HECTD2: variants seen among roughly 807,000 people sequenced by gnomAD.
HECTD2 encodes HECT domain E3 ubiquitin protein ligase 2.
In HECTD2, 35 loss-of-function variants were observed where a neutral mutation model predicts 103.2. The observed-to-expected ratio is 0.34, with a 90% CI of 0.26 to 0.45. The LOEUF is 0.45. HECTD2 is among the 20% of genes least tolerant of loss of function. The pLI, the probability that HECTD2 is intolerant of heterozygous loss-of-function variation, is 1.00. For synonymous variants in HECTD2, 281 were observed against 329.9 expected, an observed-to-expected ratio of 0.85 and a Z score of 1.61; for missense variants, 596 against 937.4, an observed-to-expected ratio of 0.64 and a Z score of 4.76.
At chr10:91,462,339 A>G (rs910560216) in intron 5 of HECTD2, 155 bp downstream of exon 5, 40 of 1,100,638 alleles carry the variant, frequency 3.6e-5, no homozygotes, top group Non-Finnish European at 4.5e-5. Context: ...AAGTTAGATT[A>G]TTTTATTCTT....
intron 1 of HECTD2, among the ~76,000 whole-genome samples, chr10:91,415,018 C>G (rs1162813899): frequency 6.6e-6 from 1 of 152,148 alleles, no homozygotes; most frequent in East Asian, 1.9e-4. Context: ...GTAGCTCATG[C>G]CTGAGGCAAT....
intron 5 of HECTD2, chr10:91,462,901 G>A (rs1845404780): frequency 3.3e-6 from 1 of 304,168 alleles, no homozygotes; most frequent in Non-Finnish European, 4.8e-6. Flanking sequence ...TCTTGGTAAT[G>A]TTTTGTAGTT....
At position 91,466,804 on chromosome 10, in the gene HECTD2, A is replaced by T. The variant is rs192159135; in HGVS notation, c.600+4620A>T. Among the ~76,000 whole-genome samples the T allele has an allele frequency of 1.8e-3, 272 of 152,316 alleles. 3 individuals carry two copies. Among genetic ancestry groups the T allele is most frequent in the African/African-American group, 6.1e-3 (255 of 41,572 alleles). The stretch of plus-strand genomic sequence containing the variant: ...CTGTGGTACATTCCATATCATGGAA[A>T]TTATTCAGTGATAAGAAGAAATGAG... On this transcript the variant is annotated intron_variant, in intron 5 of 20. Coordinates refer to ENST00000298068, the MANE Select transcript of HECTD2 (RefSeq NM_182765.6).
In HECTD2 at chr10:91,492,333, G is replaced by A; in HGVS notation, c.1300-19G>A. On this transcript the variant is annotated intron_variant, in intron 12 of 20. Coordinates refer to ENST00000298068, the MANE Select transcript of HECTD2 (RefSeq NM_182765.6). Reference sequence around the variant, plus strand: ...TCACTGCTCTTTGTTCTCCTCTACTGTATAATATCTTCAAATAGCTAACCC... The same window carrying A: ...TCACTGCTCTTTGTTCTCCTCTACTATATAATATCTTCAAATAGCTAACCC... The A allele has an allele frequency of 6.2e-7, 1 of 1,606,592 alleles. No homozygotes were observed. Among genetic ancestry groups the A allele is most frequent in the Non-Finnish European group, 8.5e-7 (1 of 1,173,558 alleles).
chr10:91,460,498 G>A lies in HECTD2; in HGVS notation c.340G>A (p.Glu114Lys), dbSNP rs761015822. The change falls in exon 3 of 21, where the codon GAA becomes AAA. Residue 114 changes from glutamate (E) to lysine (K), a missense_variant. Coordinates refer to ENST00000298068, the MANE Select transcript of HECTD2 (RefSeq NM_182765.6). ...TACATCTATGGATGCATCATCATCCGAAATGAAGGCCCCAGTCCTTCCAGA... is the reference window on the plus strand; with the variant it reads ...TACATCTATGGATGCATCATCATCCAAAATGAAGGCCCCAGTCCTTCCAGA... The part of the protein sequence containing the change: ...QRTSMDASSS[E>K]MKAPVLPEPI... The A allele has an allele frequency of 3.7e-6, 6 of 1,612,538 alleles. No individual in the cohort carries two copies. Among genetic ancestry groups the A allele is most frequent in the Non-Finnish European group, 4.2e-6 (5 of 1,179,154 alleles).
intron 1 of HECTD2, among the ~76,000 whole-genome samples, chr10:91,423,141 C>T (rs889013800): frequency 2.0e-5 from 3 of 152,100 alleles, no homozygotes; most frequent in East Asian, 1.9e-4. Context: ...GTTCAACACA[C>T]GTACTGTCAC....
At chr10:91,500,848 C>G (rs1846872808) in intron 19 of HECTD2, among the ~76,000 whole-genome samples, 1 of 151,986 alleles carries the variant, frequency 6.6e-6, no homozygotes, top group Non-Finnish European at 1.5e-5. Flanking sequence ...AGAGATTTTA[C>G]TTTTAAAAAA....
At chr10:91,466,221 T>C (rs1845527418) in intron 5 of HECTD2, among the ~76,000 whole-genome samples, 1 of 152,184 alleles carries the variant, frequency 6.6e-6, no homozygotes, top group Admixed American at 6.5e-5. Context: ...GAGTTGTTCA[T>C]AATAGTCATA....
chr10:91,461,151 C>A, intron 3 of HECTD2, 103 bp from the exon 4 acceptor site: 1 of 554,532 alleles, frequency 1.8e-6, no homozygotes, highest in South Asian at 3.0e-5. Context: ...CTTTATTTGG[C>A]TTCAGTATTT....
At chr10:91,414,202 G>A (rs2132966210) in intron 1 of HECTD2, among the ~76,000 whole-genome samples, 1 of 152,302 alleles carries the variant, frequency 6.6e-6, no homozygotes, top group South Asian at 2.1e-4. Context: ...TTGGGTTCAA[G>A]AAAGAGCTAG....
At chr10:91,412,634 A>G (rs1473759846) in intron 1 of HECTD2, among the ~76,000 whole-genome samples, 1 of 150,218 alleles carries the variant, frequency 6.7e-6, no homozygotes, top group African/African-American at 2.5e-5. Flanking sequence ...ATTTTTTAAA[A>G]AAAAAAACAA....
rs1420576584 is a variant in HECTD2, at chr10:91,487,821, T to C, written c.1191+43T>C. On this transcript the variant is annotated intron_variant, in intron 11 of 20. Transcript: ENST00000298068. This position sits in a 1 kb window ranked among gnomAD's most constrained non-coding sequence, Gnocchi z 4.1. Reference sequence around the variant, plus strand: ...ACATATTTATGCTGACTATAATCAGTATAGTAAATAATTTAATAAATAATT... The same window carrying C: ...ACATATTTATGCTGACTATAATCAGCATAGTAAATAATTTAATAAATAATT... 9.9e-7 allele frequency: 1 copy of C among 1,014,264 alleles called. No individual in the cohort carries two copies. The allele number at this position is 1,014,264 out of a possible 1,614,324, so 62.8% of individuals were successfully genotyped here.
chr10:91,504,277 G>C (rs1338359902), intron 20 of HECTD2, among the ~76,000 whole-genome samples: 1 of 152,240 alleles, frequency 6.6e-6, no homozygotes, highest in East Asian at 1.9e-4. Context: ...GCTGGACGGA[G>C]AATGACTTTG....
At chr10:91,412,548 G>A (rs984531886) in intron 1 of HECTD2, among the ~76,000 whole-genome samples, 3 of 150,626 alleles carry the variant, frequency 2.0e-5, no homozygotes, top group Admixed American at 6.6e-5. Flanking sequence ...TCTGCCTCTC[G>A]TGTTCAAGCC....
At chr10:91,427,635 A>G (rs143686203) in intron 2 of HECTD2, among the ~76,000 whole-genome samples, 1,726 of 152,278 alleles carry the variant, frequency 0.011, 38 homozygotes, top group African/African-American at 0.039. Context: ...TTTTGGCAGC[A>G]TAAATGTCTT....
At chr10:91,505,043 A>C (rs1476351453) in intron 20 of HECTD2, among the ~76,000 whole-genome samples, 1 of 152,194 alleles carries the variant, frequency 6.6e-6, no homozygotes, top group African/African-American at 2.4e-5. Context: ...GTGAAGAAGA[A>C]ATAAAATACT....
upstream of HECTD2, among the ~76,000 whole-genome samples, chr10:91,409,929 G>A (rs1036621488): frequency 2.6e-5 from 4 of 152,156 alleles, no homozygotes; most frequent in Non-Finnish European, 4.4e-5. Flanking sequence ...CTGTGCCTAC[G>A]TCCTGCCCTA....
chr10:91,455,740 A>C (rs900345021), intron 2 of HECTD2, among the ~76,000 whole-genome samples: 2 of 152,080 alleles, frequency 1.3e-5, no homozygotes, highest in African/African-American at 4.8e-5. Context: ...ACCTTGAATT[A>C]ATTTTTGTAT....
At chr10:91,470,504 A>T (rs989480562) in intron 5 of HECTD2, among the ~76,000 whole-genome samples, 2 of 152,178 alleles carry the variant, frequency 1.3e-5, no homozygotes, top group Non-Finnish European at 2.9e-5. Flanking sequence ...ATCGAAACTA[A>T]TGAGAACAAA....
Sources: gnomAD v4.1 joint callset for allele counts (sites outside exome capture counted in the v4.1 genomes callset) on GRCh38, gnomAD v4.1.1 for gene constraint, Gnocchi (gnomAD v3.1) non-coding constraint, MANE v1.5 for transcripts, NCBI Gene and HGNC (gene_info 2026-07-23, HGNC 2026-07-21) for gene names.